PAG1: variants seen among roughly 807,000 people sequenced by gnomAD.
The protein encoded by PAG1 is phosphoprotein associated with glycosphingolipid-enriched microdomains 1.
In PAG1, 23 loss-of-function variants were observed where a neutral mutation model predicts 31.7. The observed-to-expected ratio is 0.73, with a 90% confidence interval of 0.52 to 1.03. PAG1 has a LOEUF of 1.03. Among genes scored for constraint, PAG1 ranks in the 50% least tolerant of loss-of-function variants. The pLI is 0.00. For synonymous variants in PAG1, 214 were observed against 210.3 expected, an observed-to-expected ratio of 1.02 and a Z score of -0.15; for missense variants, 473 against 540.7, an observed-to-expected ratio of 0.87 and a Z score of 1.24.
Position 80,987,454 on chromosome 8 carries a change from C to T in PAG1, c.190G>A (p.Glu64Lys), listed in dbSNP as rs1397655778. 6.2e-7 allele frequency: 1 copy of T among 1,613,486 alleles called. No individual in the cohort carries two copies. Among genetic ancestry groups the T allele is most frequent in the South Asian group, 1.1e-5 (1 of 91,064 alleles). ...ENLMNVPSDKEMFSRSVTSLA... is the reference protein window; with the variant it reads ...ENLMNVPSDKKMFSRSVTSLA... The stretch of plus-strand genomic sequence containing the variant: ...CTAGTAACTGAACGGCTGAACATCT[C>T]CTTGTCTGAAGGCTGAAAACAAAAA... The change falls in exon 6 of 9, where the codon GAG (glutamate) becomes AAG (lysine). Residue 64 changes from glutamate (E) to lysine (K), a missense_variant. Glu to Lys is a moderately conservative substitution (Grantham distance 56). Coordinates refer to ENST00000220597, the MANE Select transcript of PAG1 (RefSeq NM_018440.4).
intron 2 of PAG1, among the ~76,000 whole-genome samples, chr8:81,038,390 G>C (rs1294042610): frequency 1.3e-5 from 2 of 152,178 alleles, no homozygotes; most frequent in Non-Finnish European, 2.9e-5. Context: ...CTGCAAAACT[G>C]GCTGGGCTGT....
At position 80,968,978 on chromosome 8, in the gene PAG1, T is replaced by C. The variant is rs1484931959; in HGVS notation, c.*7566A>G. On this transcript the variant is annotated 3_prime_UTR_variant, in exon 9 of 9. Coordinates refer to ENST00000220597, the MANE Select transcript of PAG1 (RefSeq NM_018440.4). ...CGCCCCACTAGAGTCAACTATACGG[T>C]TGATACTCGAAGCAAATAAAAAGAT... 1 of 152,324 alleles carries C rather than the reference T, an allele frequency of 6.6e-6. No individual in the cohort carries two copies. Among genetic ancestry groups the C allele is most frequent in the East Asian group, 1.9e-4 (1 of 5,194 alleles). The allele number at this position is 152,324 out of a possible 1,614,324, so 9.4% of individuals were successfully genotyped here.
intron 3 of PAG1, among the ~76,000 whole-genome samples, chr8:81,001,811 C>T (rs2130593236): frequency 6.6e-6 from 1 of 152,284 alleles, no homozygotes; most frequent in East Asian, 1.9e-4. Context: ...CCAGCACTTC[C>T]TCTTCTAACA....
At chr8:81,002,494 G>A (rs951416955) in intron 3 of PAG1, among the ~76,000 whole-genome samples, 4 of 152,200 alleles carry the variant, frequency 2.6e-5, no homozygotes, top group African/African-American at 9.7e-5. Flanking sequence ...GAATTTAAGA[G>A]CAGATGGTCA....
chr8:81,054,787 T>C (rs1808788030), intron 2 of PAG1, among the ~76,000 whole-genome samples: 1 of 152,208 alleles, frequency 6.6e-6, no homozygotes, highest in Non-Finnish European at 1.5e-5. Context: ...AAAACATGTC[T>C]AAGTGACACA....
rs138970215 is a variant in PAG1, at chr8:81,108,580, T to C, written c.-234+3011A>G. 9.6e-4 allele frequency among the ~76,000 whole-genome samples: 146 copies of C among 152,174 alleles called. 2 individuals are homozygous for C. Among genetic ancestry groups the C allele is most frequent in the African/African-American group, 3.3e-3 (138 of 41,510 alleles). On this transcript the variant is annotated intron_variant, in intron 1 of 8. Transcript: ENST00000220597. ...TGAGCAGTCTGTGGTCTATGTGCCC[T>C]ATACGGCAATTAGATTTTAATCTCT...
intron 2 of PAG1, among the ~76,000 whole-genome samples, chr8:81,053,877 AGGGTATG>A: frequency 6.6e-6 from 1 of 152,354 alleles, no homozygotes; most frequent in East Asian, 1.9e-4. Context: ...GAGCAAGATC[AGGGTATG>A]CGAATGCTTT....
intron 2 of PAG1, chr8:81,037,353 T>G (rs1808478359): frequency 6.6e-6 from 1 of 152,064 alleles, no homozygotes; most frequent in African/African-American, 2.4e-5. Context: ...CTAAGCATGC[T>G]ACCTGGAAAG....
chr8:81,074,684 T>C (rs927811676), intron 1 of PAG1, among the ~76,000 whole-genome samples: 2 of 152,156 alleles, frequency 1.3e-5, no homozygotes, highest in Non-Finnish European at 2.9e-5. Flanking sequence ...GACTCTGCAT[T>C]CTAATAAGAC....
At chr8:80,992,832 G>A (rs147322380) in intron 4 of PAG1, among the ~76,000 whole-genome samples, 2,812 of 152,298 alleles carry the variant, frequency 0.018, 40 homozygotes, top group Non-Finnish European at 0.024. Flanking sequence ...GGGTGTGATC[G>A]AAAGAACAGC....
At chr8:81,006,269 C>T (rs545906568) in intron 3 of PAG1, among the ~76,000 whole-genome samples, 1 of 152,288 alleles carries the variant, frequency 6.6e-6, no homozygotes, top group South Asian at 2.1e-4. Flanking sequence ...ATCTTGCATC[C>T]TAAGTGATTC....
chr8:81,109,789 G>A (rs1563434621), intron 1 of PAG1, among the ~76,000 whole-genome samples: 1 of 152,156 alleles, frequency 6.6e-6, no homozygotes, highest in Non-Finnish European at 1.5e-5. Flanking sequence ...CATCCCCATT[G>A]TACAGATGAA....
chr8:81,093,941 C>G (rs1169818163), intron 1 of PAG1, among the ~76,000 whole-genome samples: 1 of 152,140 alleles, frequency 6.6e-6, no homozygotes, highest in Admixed American at 6.5e-5. Flanking sequence ...GGAGGTATAG[C>G]CCCTCCATCA....
intron 1 of PAG1, among the ~76,000 whole-genome samples, chr8:81,083,562 AT>A (rs1036135521): frequency 6.6e-6 from 1 of 150,798 alleles, no homozygotes; most frequent in Non-Finnish European, 1.5e-5. Context: ...GTGAGGCCAC[AT>A]TTTTTTTTCT....
chr8:81,022,154 G>A (rs1320106801), intron 3 of PAG1, among the ~76,000 whole-genome samples: 1 of 152,172 alleles, frequency 6.6e-6, no homozygotes, highest in Non-Finnish European at 1.5e-5. Flanking sequence ...TGCTAAAAAT[G>A]TTCTCTAAGT....
rs139926666 is a variant in PAG1, at chr8:81,106,825, G to T, written c.-234+4766C>A. On this transcript the variant is annotated intron_variant, in intron 1 of 8. Transcript: ENST00000220597. ...GAAAGGCTATGATACAGACATGGAC[G>T]ATTTGATGCAATGTTCTTACTATAA... is the stretch of plus-strand genomic sequence containing the variant. Among the ~76,000 whole-genome samples, 1,082 of 152,200 alleles carry T rather than the reference G, an allele frequency of 7.1e-3. 10 individuals carry two copies. Among genetic ancestry groups the T allele is most frequent in the Middle Eastern group, 0.031 (9 of 294 alleles).
intron 7 of PAG1, among the ~76,000 whole-genome samples, chr8:80,980,964 G>A (rs1454117539): frequency 6.6e-6 from 1 of 152,146 alleles, no homozygotes; most frequent in African/African-American, 2.4e-5. Context: ...CCCCCTGCCT[G>A]ATTTCTGAAG....
intron 2 of PAG1, among the ~76,000 whole-genome samples, chr8:81,044,745 G>A (rs1451848687): frequency 6.6e-6 from 1 of 152,094 alleles, no homozygotes; most frequent in Non-Finnish European, 1.5e-5. Context: ...CCACCCTACT[G>A]TCTTATCTGC....
At chr8:81,023,089 A>G (rs1422768286) in intron 3 of PAG1, among the ~76,000 whole-genome samples, 1 of 152,170 alleles carries the variant, frequency 6.6e-6, no homozygotes, top group Non-Finnish European at 1.5e-5. Context: ...TTATTTTAAA[A>G]TTTTATGGCA....
Sources: allele counts gnomAD v4.1 joint callset (sites outside exome capture counted in the v4.1 genomes callset), GRCh38; gene constraint gnomAD v4.1.1; transcripts MANE v1.5; gene names NCBI Gene and HGNC (gene_info 2026-07-23, HGNC 2026-07-21).